The following SLC9A8 variants were observed in gnomAD, a reference collection of about 807,000 sequenced individuals.
The protein encoded by SLC9A8 is solute carrier family 9 member A8.
A neutral mutation model predicts 66.6 loss-of-function variants in SLC9A8; 48 were observed. The observed-to-expected ratio is 0.72, with a 90% CI of 0.57 to 0.92. The LOEUF is 0.92. Ranked by LOEUF, SLC9A8 falls within the 40% of genes least tolerant of loss-of-function variation. The pLI is 0.00. For synonymous variants in SLC9A8, 274 were observed against 282.6 expected (o/e 0.97, Z 0.31); for missense variants, 599 against 747.3 (o/e 0.80, Z 2.31).
intron 14 of SLC9A8, 167 bp downstream of exon 14, chr20:49,884,233 C>CACACGACACACACACACACG (rs1568883166): frequency 4.5e-6 from 1 of 224,040 alleles, no homozygotes; most frequent in East Asian, 8.0e-5. Context: ...CACACACACA[C>CACACGACACACACACACACG]ACACACACGA....
chr20:49,883,759 G>A, intron 13 of SLC9A8, 87 bp from the exon 14 acceptor site: 1 of 1,067,438 alleles, frequency 9.4e-7, no homozygotes, highest in Non-Finnish European at 1.4e-6. Context: ...TGGTCGTGGT[G>A]CTGGGCCGGC....
At chr20:49,871,918 A>G (rs769688856) in intron 10 of SLC9A8, among the ~76,000 whole-genome samples, 16 of 152,238 alleles carry the variant, frequency 1.1e-4, no homozygotes, top group Admixed American at 2.0e-4. Flanking sequence ...ACCAGAAGGA[A>G]GACTGGTCCA....
intron 2 of SLC9A8, among the ~76,000 whole-genome samples, chr20:49,816,628 AAAAC>A (rs752279757): frequency 3.9e-4 from 60 of 152,220 alleles, no homozygotes; most frequent in East Asian, 5.8e-4. Context: ...TCCATCTCAA[AAAAC>A]AAACAAACAA....
chr20:49,853,451 CTT>C (rs1277684687), intron 7 of SLC9A8, among the ~76,000 whole-genome samples: 2 of 152,198 alleles, frequency 1.3e-5, no homozygotes, highest in Non-Finnish European at 2.9e-5. Context: ...CCAGGATACA[CTT>C]TTTAGACATC....
intron 3 of SLC9A8, among the ~76,000 whole-genome samples, chr20:49,839,192 C>G (rs1257297443): frequency 1.3e-5 from 2 of 152,154 alleles, no homozygotes; most frequent in African/African-American, 4.8e-5. Flanking sequence ...CAGTACACGG[C>G]AAACTTAGCT....
intron 3 of SLC9A8, among the ~76,000 whole-genome samples, chr20:49,834,210 T>TACACAC (rs1262136395): frequency 6.3e-5 from 6 of 94,920 alleles, no homozygotes; most frequent in African/African-American, 2.1e-4. Context: ...TATATATATA[T>TACACAC]ATATACACAC....
At chr20:49,851,475 T>G (rs1296437733) in intron 7 of SLC9A8, among the ~76,000 whole-genome samples, 1 of 152,110 alleles carries the variant, frequency 6.6e-6, no homozygotes, top group African/African-American at 2.4e-5. Flanking sequence ...ATAGTCTGGG[T>G]TCCCCCCTCT....
At chr20:49,825,085 G>A (rs1412993804) in intron 3 of SLC9A8, among the ~76,000 whole-genome samples, 1 of 152,150 alleles carries the variant, frequency 6.6e-6, no homozygotes, top group Admixed American at 6.5e-5. Context: ...AAGGATTGCC[G>A]AGGGGACAGA....
intron 5 of SLC9A8, among the ~76,000 whole-genome samples, chr20:49,846,777 G>A (rs1480824915): frequency 2.0e-5 from 3 of 151,986 alleles, no homozygotes; most frequent in Non-Finnish European, 4.4e-5. Context: ...AGCTGGTCGT[G>A]GTGGTGCGTG....
intron 13 of SLC9A8, among the ~76,000 whole-genome samples, chr20:49,881,491 G>A (rs1261183863): frequency 6.6e-6 from 1 of 152,140 alleles, no homozygotes; most frequent in Non-Finnish European, 1.5e-5. Context: ...TGTTTCAGTT[G>A]CTATTTAATC....
chr20:49,855,846 A>G (rs1011374657), intron 8 of SLC9A8, among the ~76,000 whole-genome samples: 5 of 152,100 alleles, frequency 3.3e-5, no homozygotes, highest in Non-Finnish European at 7.4e-5. Context: ...GCTGGAGTGC[A>G]GTGGCTCCAT....
intron 9 of SLC9A8, among the ~76,000 whole-genome samples, chr20:49,863,271 C>G (rs2088823660): frequency 6.6e-6 from 1 of 152,190 alleles, no homozygotes; most frequent in African/African-American, 2.4e-5. Flanking sequence ...TGTCACTTTT[C>G]AAAGTTTAAA....
At chr20:49,872,072 T>G (rs1250239912) in intron 10 of SLC9A8, among the ~76,000 whole-genome samples, 4 of 152,132 alleles carry the variant, frequency 2.6e-5, no homozygotes, top group Admixed American at 2.0e-4. Context: ...TGAGCTGAGA[T>G]GGCACCATTG....
intron 13 of SLC9A8, among the ~76,000 whole-genome samples, chr20:49,881,295 C>T (rs953187249): frequency 3.9e-5 from 6 of 152,222 alleles, no homozygotes; most frequent in Admixed American, 3.9e-4. Flanking sequence ...CTGCCACTCT[C>T]TTCTGAACAC....
At chr20:49,865,181 T>C (rs1375111546) in intron 10 of SLC9A8, among the ~76,000 whole-genome samples, 3 of 152,122 alleles carry the variant, frequency 2.0e-5, no homozygotes, top group Admixed American at 6.5e-5. Flanking sequence ...ATGAGAAAAC[T>C]GAGGTTGAGT....
chr20:49,822,332 G>C (rs2086771154), intron 2 of SLC9A8, among the ~76,000 whole-genome samples: 1 of 152,202 alleles, frequency 6.6e-6, no homozygotes, highest in Non-Finnish European at 1.5e-5. Context: ...ATCTGTTGCA[G>C]TTACATTTAT....
At chr20:49,841,654 G>A (rs151190137) in intron 4 of SLC9A8, among the ~76,000 whole-genome samples, 14 of 152,136 alleles carry the variant, frequency 9.2e-5, no homozygotes, top group Non-Finnish European at 1.9e-4. Context: ...GCAGTGGCAC[G>A]ATCTCGGCTC....
rs1461191512 is a variant in SLC9A8, at chr20:49,834,409, ATATATATACTG to A, written c.290-5123_290-5113del. Among the ~76,000 whole-genome samples the A allele has an allele frequency of 7.9e-4, 37 of 46,824 alleles. 5 individuals carry two copies. The highest frequency in any genetic ancestry group is 2.7e-3 in the East Asian group (4 of 1,472). 30.7% of individuals were successfully genotyped at this position (46,824 alleles called of 152,430 possible). On this transcript the variant is annotated intron_variant, in intron 3 of 15. Coordinates refer to ENST00000361573, the MANE Select transcript of SLC9A8 (RefSeq NM_015266.3). ...CTGTGTATATATATATACTGTGTAT[ATATATATACTG>A]TATATATATACTGTATATATATATA...
intron 4 of SLC9A8, among the ~76,000 whole-genome samples, chr20:49,840,389 T>A (rs1831976058): frequency 6.6e-6 from 1 of 152,192 alleles, no homozygotes. Flanking sequence ...GGAAATAAGA[T>A]TCATTTCAAA....
Sources: allele counts gnomAD v4.1 joint callset (sites outside exome capture counted in the v4.1 genomes callset), GRCh38; gene constraint gnomAD v4.1.1; transcripts MANE v1.5; gene names NCBI Gene and HGNC (gene_info 2026-07-23, HGNC 2026-07-21).